Variants in CXADR observed in about 807,000 individuals in gnomAD.
The protein encoded by CXADR is CXADR cell adhesion molecule, also known as coxsackievirus and adenovirus receptor.
In CXADR, 20 loss-of-function variants were observed where a neutral mutation model predicts 40.3. That is an observed-to-expected ratio of 0.50 (90% confidence interval 0.35 to 0.72). The LOEUF is 0.72. CXADR is among the 30% of genes least tolerant of loss of function. The pLI is 0.01. For synonymous variants in CXADR, 150 were observed against 161.3 expected, an observed-to-expected ratio of 0.93 and a Z score of 0.53; for missense variants, 332 against 449.1, an observed-to-expected ratio of 0.74 and a Z score of 2.36.
intron 7 of CXADR, among the ~76,000 whole-genome samples, chr21:17,575,972 C>T (rs1357505431): frequency 1.3e-5 from 2 of 150,344 alleles, no homozygotes; most frequent in Non-Finnish European, 3.0e-5. Context: ...TTTGTAGTCC[C>T]AGCTACTTGG....
Position 17,565,453 on chromosome 21 carries a change from C to G in CXADR, c.859C>G (p.Arg287Gly). 1 of 1,613,892 alleles carries G rather than the reference C, an allele frequency of 6.2e-7. No homozygotes were observed. The highest frequency in any genetic ancestry group is 8.5e-7 in the Non-Finnish European group (1 of 1,179,846). ...IREDVPPPKSRTSTARSYIGS... is the reference protein window; with the variant it reads ...IREDVPPPKSGTSTARSYIGS... ...GGAAGATGTGCCACCTCCAAAGAGC[C>G]GTACGTCCACTGCCAGAAGCTACAT... The change falls in exon 7 of 7, where the codon CGT (arginine) becomes GGT (glycine). Residue 287 changes from arginine (R) to glycine (G), a missense_variant. Coordinates refer to ENST00000284878, the MANE Select transcript of CXADR (RefSeq NM_001338.5).
chr21:17,612,233 C>T, the CXADR span: 1 of 152,262 alleles, frequency 6.6e-6, no homozygotes, highest in East Asian at 1.9e-4. Context: ...ACATCCTCGC[C>T]AGGGTGCGCC....
chr21:17,569,955 A>G lies in CXADR; in HGVS notation c.*4263A>G. On this transcript the variant is annotated 3_prime_UTR_variant, in exon 7 of 7. Transcript: ENST00000284878. The stretch of plus-strand genomic sequence containing the variant: ...TGCAAAGTATAGAACTGACAGTGTC[A>G]GTTTCAGATTTTGTATGTACGATTT... 1.0e-6 allele frequency: 1 copy of G among 985,464 alleles called. No individual in the cohort carries two copies. Among genetic ancestry groups the G allele is most frequent in the Non-Finnish European group, 1.2e-6 (1 of 829,934 alleles). The allele number at this position is 985,464 out of a possible 1,614,324, so 61.0% of individuals were successfully genotyped here.
At chr21:17,599,848 T>C in the CXADR span, among the ~76,000 whole-genome samples, 1 of 152,154 alleles carries the variant, frequency 6.6e-6, no homozygotes, top group African/African-American at 2.4e-5. Context: ...AAATTTCCTA[T>C]AAAATTGACT....
At chr21:17,633,548 C>T in the CXADR span, among the ~76,000 whole-genome samples, 2 of 152,080 alleles carry the variant, frequency 1.3e-5, no homozygotes, top group Admixed American at 1.3e-4. Flanking sequence ...AAGCAAGACC[C>T]CTCAAAAAAA....
At chr21:17,574,679 G>C (rs551697540), downstream of CXADR, among the ~76,000 whole-genome samples, 1 of 152,290 alleles carries the variant, frequency 6.6e-6, no homozygotes, top group East Asian at 1.9e-4. Context: ...GACAGGAATA[G>C]ATGAAGTCAT....
At chr21:17,597,704 G>A (rs2061522364), downstream of CXADR, among the ~76,000 whole-genome samples, 1 of 146,602 alleles carries the variant, frequency 6.8e-6, no homozygotes, top group Non-Finnish European at 1.5e-5. Context: ...TTCCCCTAAA[G>A]TCTAGGAAGA....
intron 5 of CXADR, 142 bp downstream of exon 5, chr21:17,560,966 G>GA: frequency 7.6e-7 from 1 of 1,321,216 alleles, no homozygotes; most frequent in South Asian, 2.0e-5. Context: ...AGCTTTTCTA[G>GA]AAAAATACAT....
At chr21:17,513,295 G>T in intron 1 of CXADR, 123 bp downstream of exon 1, 1 of 949,352 alleles carries the variant, frequency 1.1e-6, no homozygotes, top group Admixed American at 4.3e-5. Context: ...GCTGCTGCAG[G>T]GGCGGCGGGG....
the CXADR span, among the ~76,000 whole-genome samples, chr21:17,623,540 C>T: frequency 2.0e-5 from 3 of 152,178 alleles, no homozygotes; most frequent in African/African-American, 7.2e-5. Flanking sequence ...TGAGTACTGC[C>T]TGTGTGAGAG....
chr21:17,622,595 T>G, the CXADR span, among the ~76,000 whole-genome samples: 27 of 151,918 alleles, frequency 1.8e-4, no homozygotes, highest in Admixed American at 3.9e-4. Context: ...AAATAACTGG[T>G]TTTTTTTCCA....
the CXADR span, chr21:17,612,607 G>C: frequency 1.3e-5 from 2 of 152,328 alleles, no homozygotes; most frequent in Non-Finnish European, 2.9e-5. Flanking sequence ...CCGCCAGCGA[G>C]CCTTCGACGT....
At position 17,569,341 on chromosome 21, in the gene CXADR, T is replaced by A. The variant is rs1230588920; in HGVS notation, c.*3649T>A. On this transcript the variant is annotated 3_prime_UTR_variant, in exon 7 of 7. Coordinates refer to ENST00000284878, the MANE Select transcript of CXADR (RefSeq NM_001338.5). ...AGAAAATGTTGGCACAATTTTAACTTCTTAGTGGCTTGTGACATTATATAT... is the reference window on the plus strand; with the variant it reads ...AGAAAATGTTGGCACAATTTTAACTACTTAGTGGCTTGTGACATTATATAT... 4.5e-5 allele frequency: 44 copies of A among 984,352 alleles called. No individual in the cohort carries two copies. Among genetic ancestry groups the A allele is most frequent in the Non-Finnish European group, 4.9e-5 (41 of 829,740 alleles). The allele number at this position is 984,352 out of a possible 1,614,324, so 61.0% of individuals were successfully genotyped here.
At chr21:17,601,373 C>T in the CXADR span, among the ~76,000 whole-genome samples, 2 of 152,034 alleles carry the variant, frequency 1.3e-5, no homozygotes, top group Non-Finnish European at 2.9e-5. Flanking sequence ...AATACCTAAA[C>T]AGAAGCTGGA....
Position 17,567,049 on chromosome 21 carries a change from G to A in CXADR, c.*1357G>A. The A allele has an allele frequency of 7.1e-6, 7 of 983,448 alleles. No homozygotes were observed. The highest frequency in any genetic ancestry group is 1.7e-5 in the African/African-American group (1 of 57,300). 60.9% of individuals were successfully genotyped at this position (983,448 alleles called of 1,614,324 possible). A position where few individuals can be genotyped will look rare whatever the true frequency, so the allele number is the denominator to read the frequency against. On this transcript the variant is annotated 3_prime_UTR_variant, in exon 7 of 7. Transcript: ENST00000284878. ...AAATATCATTTTAGGAGAAGAAAGTGGGTTTATTGTATTTCCCTTAAGATT... is the reference window on the plus strand; with the variant it reads ...AAATATCATTTTAGGAGAAGAAAGTAGGTTTATTGTATTTCCCTTAAGATT...
At chr21:17,521,718 T>C (rs1260684076) in intron 1 of CXADR, among the ~76,000 whole-genome samples, 2 of 152,188 alleles carry the variant, frequency 1.3e-5, no homozygotes, top group African/African-American at 4.8e-5. Context: ...AAGCTTTGCA[T>C]GTGTGGCCTT....
At chr21:17,624,913 C>G in the CXADR span, among the ~76,000 whole-genome samples, 2 of 152,144 alleles carry the variant, frequency 1.3e-5, no homozygotes, top group African/African-American at 4.8e-5. Context: ...TTCTGACCAG[C>G]CTGTAAAAGA....
chr21:17,534,100 A>AT lies in CXADR; in HGVS notation c.44-12902dup, dbSNP rs1157117899. Among the ~76,000 whole-genome samples, 374 of 60,076 alleles carry AT rather than the reference A, an allele frequency of 6.2e-3. 38 individuals carry two copies. Among genetic ancestry groups the AT allele is most frequent in the African/African-American group, 0.019 (219 of 11,236 alleles). The allele number at this position is 60,076 out of a possible 152,430, so 39.4% of individuals were successfully genotyped here. On this transcript the variant is annotated intron_variant, in intron 1 of 6. Coordinates refer to ENST00000284878, the MANE Select transcript of CXADR (RefSeq NM_001338.5). Reference sequence around the variant, plus strand: ...CACACACATATATATATATATATATATTTTTTTTTTTTTTTTTTTTTTTTT... The same window carrying AT: ...CACACACATATATATATATATATATATTTTTTTTTTTTTTTTTTTTTTTTTT...
chr21:17,568,799 A>G lies in CXADR; in HGVS notation c.*3107A>G, dbSNP rs1472740833. The G allele has an allele frequency of 1.0e-6, 1 of 985,122 alleles. No individual in the cohort carries two copies. Among genetic ancestry groups the G allele is most frequent in the African/African-American group, 1.7e-5 (1 of 57,172 alleles). The allele number at this position is 985,122 out of a possible 1,614,324, so 61.0% of individuals were successfully genotyped here. A position where few individuals can be genotyped will look rare whatever the true frequency, so the allele number is the denominator to read the frequency against. Reference sequence around the variant, plus strand: ...AGAGCCTCTCACTCCCCCACCCCCAAAAATGTCTACTATTCATGACAGTAA... The same window carrying G: ...AGAGCCTCTCACTCCCCCACCCCCAGAAATGTCTACTATTCATGACAGTAA... On this transcript the variant is annotated 3_prime_UTR_variant, in exon 7 of 7. Coordinates refer to ENST00000284878, the MANE Select transcript of CXADR (RefSeq NM_001338.5).
Sources: gnomAD v4.1 joint callset for allele counts (sites outside exome capture counted in the v4.1 genomes callset) on GRCh38, gnomAD v4.1.1 for gene constraint, MANE v1.5 for transcripts, NCBI Gene and HGNC (gene_info 2026-07-23, HGNC 2026-07-21) for gene names.